SLK: variants seen among roughly 807,000 people sequenced by gnomAD.
The protein encoded by SLK is STE20-like serine/threonine-protein kinase.
In SLK, 67 loss-of-function variants were observed where a neutral mutation model predicts 147.7. The observed-to-expected ratio is 0.45, with a 90% CI of 0.37 to 0.56. SLK has a LOEUF of 0.56. SLK is among the 20% of genes least tolerant of loss of function. The pLI is 0.00. For synonymous variants in SLK, 441 were observed against 475.0 expected (o/e 0.93, Z 0.93); for missense variants, 1,136 against 1,438.8 (o/e 0.79, Z 3.41).
chr10:103,973,580 C>T (rs1472747913), intron 1 of SLK, among the ~76,000 whole-genome samples: 1 of 152,104 alleles, frequency 6.6e-6, no homozygotes, highest in East Asian at 1.9e-4. Context: ...AAAAATTAAC[C>T]TCTCTTTGAT....
chr10:103,968,016 A>T, intron 1 of SLK, 121 bp downstream of exon 1: 1 of 1,030,358 alleles, frequency 9.7e-7, no homozygotes, highest in Non-Finnish European at 1.4e-6. Flanking sequence ...TTACGGTTCG[A>T]TGCAACTTTA....
At chr10:104,014,040 C>G (rs1404691346) in intron 13 of SLK, among the ~76,000 whole-genome samples, 2 of 152,052 alleles carry the variant, frequency 1.3e-5, no homozygotes, top group Non-Finnish European at 2.9e-5. Flanking sequence ...GGTGTTCTGT[C>G]TACCCCGCCA....
chr10:104,003,623 A>C, intron 9 of SLK, 96 bp downstream of exon 9: 1 of 1,014,366 alleles, frequency 9.9e-7, no homozygotes, highest in Non-Finnish European at 1.4e-6. Flanking sequence ...AACAGCATTA[A>C]ATTAATGTAG....
Position 104,025,738 on chromosome 10 carries a change from T to G in SLK, c.*18T>G, listed in dbSNP as rs1322303849. ...GATCATAACAAAGGGAAGCATTCTGTGCGTGGGTTTGGCTCTTTCAGTATG... is the reference window on the plus strand; with the variant it reads ...GATCATAACAAAGGGAAGCATTCTGGGCGTGGGTTTGGCTCTTTCAGTATG... On this transcript the variant is annotated 3_prime_UTR_variant, in exon 19 of 19. Coordinates refer to ENST00000369755, the MANE Select transcript of SLK (RefSeq NM_014720.4). 1.9e-6 allele frequency: 3 copies of G among 1,612,262 alleles called. No individual in the cohort carries two copies. In the East Asian group the frequency reaches 6.7e-5, roughly 36 times the overall value.
At chr10:103,998,849 T>C (rs756875049) in intron 4 of SLK, 50 bp from the exon 5 acceptor site, 11 of 1,341,968 alleles carry the variant, frequency 8.2e-6, no homozygotes, top group South Asian at 4.8e-5. Context: ...TTGAATACAA[T>C]GAACAATGCT....
rs1844521542 is a variant in SLK at position 104,020,576 on chromosome 10, A to G, written c.3410A>G (p.Gln1137Arg). ...HENQMRDLQLQCEANVRELHQ... is the reference protein window; with the variant it reads ...HENQMRDLQLRCEANVRELHQ... Reference sequence around the variant, plus strand: ...AATCAAATGCGAGATCTTCAGTTGCAGTGTGAAGCCAATGTCCGCGAACTG... The same window carrying G: ...AATCAAATGCGAGATCTTCAGTTGCGGTGTGAAGCCAATGTCCGCGAACTG... Residue 1137 changes from glutamine to arginine, a missense_variant, in exon 17 of 19, where the codon CAG becomes CGG. By Grantham distance (43) the Gln-to-Arg change is conservative (BLOSUM62 1). This residue lies in a region of SLK where 327 missense variants were observed against 457.5 expected (regional missense o/e 0.71). Transcript: ENST00000369755. 11 of 1,613,950 alleles carry G rather than the reference A, an allele frequency of 6.8e-6. No individual in the cohort carries two copies. The highest frequency in any genetic ancestry group is 9.3e-6 in the Non-Finnish European group (11 of 1,179,926).
rs767768980 is a variant in SLK at position 103,993,122 on chromosome 10, A to C, written c.503A>C (p.Asp168Ala). ...AACATTCTCTTTACCTTAGATGGAG[A>C]TATCAAATTGGGTAAGTTATTCACT... ...AGNILFTLDG[D>A]IKLADFGVSA... The change falls in exon 4 of 19, where the codon GAT becomes GCT. Residue 168 changes from aspartate to alanine, a missense_variant. Asp to Ala is a moderately radical substitution (Grantham distance 126, BLOSUM62 -2). Around this residue, in one of 6 missense-constraint regions of SLK, gnomAD observed 141 missense variants for 219.3 expected, o/e 0.64. Transcript: ENST00000369755. The C allele has an allele frequency of 6.2e-7, 1 of 1,601,842 alleles. No individual in the cohort carries two copies.
At chr10:104,018,490 T>A (rs1023619803) in intron 14 of SLK, among the ~76,000 whole-genome samples, 1 of 152,226 alleles carries the variant, frequency 6.6e-6, no homozygotes, top group Non-Finnish European at 1.5e-5. Flanking sequence ...TTAAAGTACT[T>A]ATCTTCCCTA....
intron 2 of SLK, among the ~76,000 whole-genome samples, chr10:103,991,239 C>G (rs184000723): frequency 6.6e-6 from 1 of 152,052 alleles, no homozygotes; most frequent in Non-Finnish European, 1.5e-5. Context: ...TTGTAATAAA[C>G]TGTAAAATAC....
At chr10:104,020,417 C>T (rs1397734209) in intron 16 of SLK, 71 bp from the exon 17 acceptor site, 1 of 1,436,954 alleles carries the variant, frequency 7.0e-7, no homozygotes, top group Non-Finnish European at 9.4e-7. Flanking sequence ...TGTTAAATTC[C>T]TTTATATCTT....
chr10:104,005,464 T>G (rs1844312159), intron 9 of SLK, 97 bp from the exon 10 acceptor site: 16 of 1,121,646 alleles, frequency 1.4e-5, no homozygotes, highest in Non-Finnish European at 1.3e-6. Context: ...TCAGTTGTTT[T>G]GTTTTAAAAA....
rs1844618276 is a variant in SLK at position 104,027,838 on chromosome 10, G to C, written c.*2118G>C. ...TTCAGATTATTGACTCAAGGAGAGA[G>C]GCTCAGAGTGGAATGGTTGGCGCTG... On this transcript the variant is annotated 3_prime_UTR_variant, in exon 19 of 19. Coordinates refer to ENST00000369755, the MANE Select transcript of SLK (RefSeq NM_014720.4). The C allele has an allele frequency of 6.6e-6, 1 of 152,072 alleles. No homozygotes were observed. Among genetic ancestry groups the C allele is most frequent in the South Asian group, 2.1e-4 (1 of 4,818 alleles). 9.4% of individuals were successfully genotyped at this position (152,072 alleles called of 1,614,324 possible).
chr10:104,011,305 C>T (rs1265123453), intron 13 of SLK, among the ~76,000 whole-genome samples: 1 of 152,140 alleles, frequency 6.6e-6, no homozygotes, highest in East Asian at 1.9e-4. Flanking sequence ...CCCATTAAAA[C>T]GCTATTATTT....
intron 1 of SLK, 130 bp downstream of exon 1, chr10:103,968,025 T>C (rs963088025): frequency 7.5e-6 from 7 of 936,084 alleles, no homozygotes; most frequent in Non-Finnish European, 1.1e-5. Context: ...GATGCAACTT[T>C]ACTTGGCTGA....
Position 104,002,282 on chromosome 10 carries a change from A to C in SLK, c.1104A>C (p.Glu368Asp). The part of the protein sequence containing the change: ...CILESVSEKT[E>D]RSNSEDKLNS... ...TGGAGTCTGTCTCAGAAAAAACAGA[A>C]CGTAGTAACTCTGAAGATAAACTCA... The change falls in exon 9 of 19, where the codon GAA (glutamate) becomes GAC (aspartate). Residue 368 changes from glutamate to aspartate, a missense_variant. By Grantham distance (45) the Glu-to-Asp change is conservative. Coordinates refer to ENST00000369755, the MANE Select transcript of SLK (RefSeq NM_014720.4). The C allele has an allele frequency of 6.2e-7, 1 of 1,613,800 alleles. No homozygotes were observed. Among genetic ancestry groups the C allele is most frequent in the East Asian group, 2.2e-5 (1 of 44,858 alleles).
At chr10:104,005,775 T>C in intron 10 of SLK, 84 bp downstream of exon 10, 1 of 1,498,158 alleles carries the variant, frequency 6.7e-7, no homozygotes, top group Non-Finnish European at 9.1e-7. Context: ...GAAACAAGGG[T>C]AAATTATTGG....
At chr10:104,006,069 TTTGTG>T (rs1397569686) in intron 11 of SLK, 34 bp downstream of exon 11, 1 of 1,591,156 alleles carries the variant, frequency 6.3e-7, no homozygotes, top group Admixed American at 1.9e-5. Flanking sequence ...TTTATATCAT[TTTGTG>T]TTAATAATGA....
intron 1 of SLK, among the ~76,000 whole-genome samples, chr10:103,985,648 CT>C (rs1844003106): frequency 6.6e-6 from 1 of 152,134 alleles, no homozygotes; most frequent in Non-Finnish European, 1.5e-5. Context: ...ACTAACACCT[CT>C]GTGGGACTGA....
At chr10:103,985,839 A>G (rs1380367664) in intron 1 of SLK, among the ~76,000 whole-genome samples, 1 of 152,246 alleles carries the variant, frequency 6.6e-6, no homozygotes, top group African/African-American at 2.4e-5. Flanking sequence ...TGTTCAAACA[A>G]GAGTAATATG....
Sources: gnomAD v4.1 joint callset for allele counts (sites outside exome capture counted in the v4.1 genomes callset) on GRCh38, gnomAD v4.1.1 for gene constraint, gnomAD v4.1.1 regional missense constraint, MANE v1.5 for transcripts, NCBI Gene and HGNC (gene_info 2026-07-23, HGNC 2026-07-21) for gene names.